TRPA1: variants seen among roughly 807,000 people sequenced by gnomAD.
TRPA1 encodes ankyrin-like with transmembrane domains 1.
Under a neutral mutation model 131.3 loss-of-function variants are expected in TRPA1, and 129 were observed. The observed-to-expected ratio is 0.98, with a 90% CI of 0.85 to 1.14. The LOEUF (loss-of-function observed/expected upper bound fraction) is 1.14, where lower values mean the gene tolerates loss of function less well. Ranked by LOEUF, TRPA1 falls within the 50% of genes most tolerant of loss-of-function variation. TRPA1 has a pLI of 0.00. For synonymous variants in TRPA1, 441 were observed against 451.7 expected (o/e 0.98, Z 0.30); for missense variants, 1,304 against 1,354.2 (o/e 0.96, Z 0.58).
At chr8:72,083,198 C>G in the TRPA1 span, among the ~76,000 whole-genome samples, 1 of 152,006 alleles carries the variant, frequency 6.6e-6, no homozygotes, top group Non-Finnish European at 1.5e-5. Context: ...AACATATTTT[C>G]CTTTCATTCT....
chr8:72,025,390 A>G (rs6989568), intron 25 of TRPA1, among the ~76,000 whole-genome samples: 25,686 of 151,912 alleles, frequency 0.17, 2,348 homozygotes, highest in East Asian at 0.32. Flanking sequence ...TTCACCTTCC[A>G]CCATGATTGC....
the TRPA1 span, among the ~76,000 whole-genome samples, chr8:72,089,648 C>A: frequency 6.6e-6 from 1 of 152,000 alleles, no homozygotes; most frequent in Non-Finnish European, 1.5e-5. Context: ...AAGACACAAG[C>A]TTCTCAGTGA....
rs1175911153 is a variant in TRPA1 at position 72,063,502 on chromosome 8, A to G, written c.622T>C (p.Ser208Pro). 1 of 1,613,926 alleles carries G rather than the reference A, an allele frequency of 6.2e-7. No homozygotes were observed. Among genetic ancestry groups the G allele is most frequent in the Non-Finnish European group, 8.5e-7 (1 of 1,179,860 alleles). ...GCFPIHQAAF[S>P]GSKECMEIIL... ...ATTTCCATGCATTCTTTGGAACCTG[A>G]AAATGCAGCTTGGTGAATAGGGAAA... Residue 208 changes from serine to proline, a missense_variant, in exon 5 of 27, where the codon TCA becomes CCA. By Grantham distance (74) the Ser-to-Pro change is moderately conservative (BLOSUM62 -1). Coordinates refer to ENST00000262209, the MANE Select transcript of TRPA1 (RefSeq NM_007332.3).
intron 25 of TRPA1, among the ~76,000 whole-genome samples, chr8:72,024,446 A>G (rs547339362): frequency 6.6e-6 from 1 of 152,296 alleles, no homozygotes; most frequent in South Asian, 2.1e-4. Flanking sequence ...GAGTTCAGGC[A>G]AGAGAAAATG....
intron 10 of TRPA1, chr8:72,056,214 A>G (rs1402383100): frequency 1.3e-5 from 4 of 315,462 alleles, no homozygotes; most frequent in Non-Finnish European, 1.8e-5. Flanking sequence ...ATAACACCCA[A>G]CAGCTTCATG....
At chr8:72,083,010 T>G in the TRPA1 span, among the ~76,000 whole-genome samples, 1 of 152,098 alleles carries the variant, frequency 6.6e-6, no homozygotes, top group Admixed American at 6.5e-5. Flanking sequence ...TGCTTTAGAT[T>G]AATTTTTATT....
chr8:72,056,451 C>T (rs1021075669), intron 10 of TRPA1: 1 of 168,894 alleles, frequency 5.9e-6, no homozygotes, highest in Non-Finnish European at 1.3e-5. Context: ...CATACATGTG[C>T]TAGTCACTCA....
chr8:72,056,761 T>C (rs1005929547), intron 10 of TRPA1, among the ~76,000 whole-genome samples, 156 bp downstream of exon 10: 22 of 152,302 alleles, frequency 1.4e-4, no homozygotes, highest in Admixed American at 1.3e-3. Context: ...ACCATCACCA[T>C]GTTGTAACTA....
intron 25 of TRPA1, 133 bp downstream of exon 25, chr8:72,025,827 T>A (rs547648996): frequency 2.1e-5 from 16 of 775,538 alleles, no homozygotes; most frequent in East Asian, 1.4e-4. Flanking sequence ...ATCCTTTTTT[T>A]AAAAGCACAA....
Position 72,061,767 on chromosome 8 carries a change from A to T in TRPA1, c.808-6T>A, listed in dbSNP as rs745400685. 2 of 1,613,812 alleles carry T rather than the reference A, an allele frequency of 1.2e-6. No homozygotes were observed. The highest frequency in any genetic ancestry group is 1.7e-6 in the Non-Finnish European group (2 of 1,179,808). On this transcript the variant is annotated splice_region_variant and splice_polypyrimidine_tract_variant and intron_variant, in intron 6 of 26. Coordinates refer to ENST00000262209, the MANE Select transcript of TRPA1 (RefSeq NM_007332.3). ...ATGGCTGTGCACCTTCCCTTCTGTAAAGGGTTTTAATGCTAGAATCAATGT... is the reference window on the plus strand; with the variant it reads ...ATGGCTGTGCACCTTCCCTTCTGTATAGGGTTTTAATGCTAGAATCAATGT...
chr8:72,036,219 G>T, intron 21 of TRPA1, 69 bp downstream of exon 21: 1 of 1,521,484 alleles, frequency 6.6e-7, no homozygotes. Flanking sequence ...ATTTACACCA[G>T]GTACAATAGT....
intron 7 of TRPA1, among the ~76,000 whole-genome samples, chr8:72,060,713 G>GT (rs1805787274): frequency 6.6e-6 from 1 of 151,962 alleles, no homozygotes; most frequent in African/African-American, 2.4e-5. Flanking sequence ...CAACTTCGTA[G>GT]TTTTTTACTA....
At chr8:72,054,052 C>T (rs1805598098) in intron 12 of TRPA1, 185 bp from the exon 13 acceptor site, 2 of 605,606 alleles carry the variant, frequency 3.3e-6, no homozygotes, top group Admixed American at 2.7e-5. Flanking sequence ...TCTTAAATGA[C>T]CTATTTCTAA....
At chr8:72,048,973 A>C (rs1805420069) in intron 15 of TRPA1, among the ~76,000 whole-genome samples, 1 of 152,208 alleles carries the variant, frequency 6.6e-6, no homozygotes, top group Non-Finnish European at 1.5e-5. Context: ...TCATCAAGAC[A>C]GATTTCAACA....
intron 14 of TRPA1, 144 bp downstream of exon 14, chr8:72,052,455 C>T: frequency 1.0e-6 from 1 of 952,398 alleles, no homozygotes; most frequent in Non-Finnish European, 1.5e-6. Flanking sequence ...AATAAAAAAC[C>T]TTTAAAAAAT....
At chr8:72,085,134 A>C in the TRPA1 span, among the ~76,000 whole-genome samples, 1 of 152,094 alleles carries the variant, frequency 6.6e-6, no homozygotes, top group African/African-American at 2.4e-5. Context: ...TTTTCATGTT[A>C]GTTTGTGATT....
chr8:72,064,345 A>T (rs990513753), intron 4 of TRPA1, among the ~76,000 whole-genome samples: 2 of 151,562 alleles, frequency 1.3e-5, no homozygotes, highest in Non-Finnish European at 2.9e-5. Context: ...GTTAAGTAAA[A>T]GCTTTTTTGA....
chr8:72,063,045 G>C, intron 5 of TRPA1, 101 bp from the exon 6 acceptor site: 1 of 1,157,006 alleles, frequency 8.6e-7, no homozygotes, highest in Non-Finnish European at 1.2e-6. Flanking sequence ...ACAATGAAAG[G>C]GCACCGAGAC....
upstream of TRPA1, chr8:72,076,460 T>C (rs770798125): frequency 6.6e-6 from 1 of 152,318 alleles, no homozygotes; most frequent in Non-Finnish European, 1.5e-5. Context: ...GAAACCTTTC[T>C]AAGGCTGATT....
Sources: gnomAD v4.1 joint callset for allele counts (sites outside exome capture counted in the v4.1 genomes callset) on GRCh38, gnomAD v4.1.1 for gene constraint, MANE v1.5 for transcripts, NCBI Gene and HGNC (gene_info 2026-07-23, HGNC 2026-07-21) for gene names.